The following TPST1 variants were observed in gnomAD, a reference collection of about 807,000 sequenced individuals.
The protein encoded by TPST1 is tyrosylprotein sulfotransferase 1.
Under a neutral mutation model 34.8 loss-of-function variants are expected in TPST1, and 20 were observed. The observed-to-expected ratio is 0.57, with a 90% confidence interval of 0.40 to 0.84. The LOEUF is 0.84. Among genes scored for constraint, TPST1 ranks in the 40% least tolerant of loss-of-function variants. The pLI is 0.00. For missense variants in TPST1, 353 were observed against 455.5 expected, an observed-to-expected ratio of 0.78 and a Z score of 2.05; for synonymous variants, 152 against 159.4, an observed-to-expected ratio of 0.95 and a Z score of 0.35.
intron 2 of TPST1, among the ~76,000 whole-genome samples, chr7:66,248,134 A>G (rs1470560737): frequency 6.6e-6 from 1 of 152,232 alleles, no homozygotes; most frequent in Admixed American, 6.5e-5. Context: ...ATTTCCAGGC[A>G]GGAAGTAGTG....
chr7:66,208,474 T>C (rs1454012427), intron 1 of TPST1, among the ~76,000 whole-genome samples: 1 of 151,712 alleles, frequency 6.6e-6, no homozygotes, highest in East Asian at 1.9e-4. Flanking sequence ...ATACCATTTT[T>C]AGTTTTTTTT....
At chr7:66,233,989 G>A (rs559702230) in intron 1 of TPST1, among the ~76,000 whole-genome samples, 1 of 152,298 alleles carries the variant, frequency 6.6e-6, no homozygotes, top group Admixed American at 6.5e-5. Context: ...AGCCTCCGGA[G>A]TAGCTGGGAT....
intron 2 of TPST1, among the ~76,000 whole-genome samples, chr7:66,277,156 C>G (rs117329910): frequency 6.6e-6 from 1 of 152,086 alleles, no homozygotes. Context: ...TTTCTAATTG[C>G]GATGTCCTGT....
chr7:66,224,725 A>G (rs1789612150), intron 1 of TPST1, among the ~76,000 whole-genome samples: 1 of 152,130 alleles, frequency 6.6e-6, no homozygotes, highest in African/African-American at 2.4e-5. Context: ...ATGTAAGTAT[A>G]GAAATGTAAT....
chr7:66,338,254 G>A lies in TPST1; in HGVS notation c.1045-14251G>A, dbSNP rs75391634. ...AAAAAAGACAAGGCCATTATATAAC[G>A]ACAAAGGGGTCAGTACAGCAAGAGG... is the stretch of plus-strand genomic sequence containing the variant. On this transcript the variant is annotated intron_variant, in intron 3 of 5. Coordinates refer to ENST00000304842, the MANE Select transcript of TPST1 (RefSeq NM_003596.4). 4.1e-3 allele frequency among the ~76,000 whole-genome samples: 618 copies of A among 152,032 alleles called. 5 individuals carry two copies. The highest frequency in any genetic ancestry group is 0.026 in the East Asian group (134 of 5,184).
intron 3 of TPST1, among the ~76,000 whole-genome samples, chr7:66,338,054 TA>T (rs1792157491): frequency 6.6e-6 from 1 of 152,100 alleles, no homozygotes; most frequent in Non-Finnish European, 1.5e-5. Context: ...CAGAATGGAT[TA>T]AAAAACAAGA....
chr7:66,241,397 C>A, intron 2 of TPST1, 127 bp downstream of exon 2: 1 of 1,148,324 alleles, frequency 8.7e-7, no homozygotes, highest in East Asian at 2.8e-5. Flanking sequence ...AACTGAAGAC[C>A]TTTTCTGGAA....
At chr7:66,244,174 C>T (rs897466694) in intron 2 of TPST1, among the ~76,000 whole-genome samples, 4 of 151,868 alleles carry the variant, frequency 2.6e-5, no homozygotes, top group South Asian at 2.1e-4. Context: ...AGGATGGTCT[C>T]GATCTCCTGA....
intron 1 of TPST1, among the ~76,000 whole-genome samples, chr7:66,207,223 T>G (rs569620483): frequency 5.9e-5 from 9 of 152,198 alleles, no homozygotes; most frequent in Non-Finnish European, 1.0e-4. Flanking sequence ...TCTTATGTCC[T>G]AAAATCTAAA....
chr7:66,240,194 T>C, intron 1 of TPST1, 131 bp from the exon 2 acceptor site: 1 of 540,566 alleles, frequency 1.8e-6, no homozygotes, highest in Admixed American at 3.5e-5. Flanking sequence ...GTCTCAATTT[T>C]GTTTTAAGAA....
chr7:66,202,050 T>TA (rs1789040061), upstream of TPST1, among the ~76,000 whole-genome samples: 1 of 152,154 alleles, frequency 6.6e-6, no homozygotes, highest in Non-Finnish European at 1.5e-5. Context: ...AAATAACAAG[T>TA]GTGTGTGTAT....
In TPST1 at chr7:66,352,419, C is replaced by A. The variant is rs527741668; in HGVS notation, c.1045-86C>A. ...ACTCACCAGCAGTGGAGCAGTAAAC[C>A]CGGCCACGGTCAGGCATGGCACATG... On this transcript the variant is annotated intron_variant, in intron 3 of 5. Transcript: ENST00000304842. 1.5e-5 allele frequency: 23 copies of A among 1,549,098 alleles called. No homozygotes were observed. In the African/African-American group the frequency reaches 2.0e-4, roughly 13 times the overall value.
chr7:66,226,263 A>T (rs1409167767), intron 1 of TPST1, among the ~76,000 whole-genome samples: 1 of 152,106 alleles, frequency 6.6e-6, no homozygotes, highest in African/African-American at 2.4e-5. Context: ...AGAGGATGGG[A>T]CATAGGCAAA....
At position 66,276,365 on chromosome 7, in the gene TPST1, C is replaced by CATAT. The variant is rs138862941; in HGVS notation, c.846-10133_846-10130dup. On this transcript the variant is annotated intron_variant, in intron 2 of 5. Coordinates refer to ENST00000304842, the MANE Select transcript of TPST1 (RefSeq NM_003596.4). ...TTCTTCTTAAATTTTAAAAACATTT[C>CATAT]ATATATATATATATATGTATTTTTT... is the stretch of plus-strand genomic sequence containing the variant. Among the ~76,000 whole-genome samples the CATAT allele has an allele frequency of 1.9e-3, 170 of 90,868 alleles. 25 individuals are homozygous for CATAT. Among genetic ancestry groups the CATAT allele is most frequent in the African/African-American group, 5.3e-3 (89 of 16,822 alleles). 59.6% of individuals were successfully genotyped at this position (90,868 alleles called of 152,430 possible). A position where few individuals can be genotyped will look rare whatever the true frequency, so the allele number is the denominator to read the frequency against.
At chr7:66,355,873 C>CCAA (rs1382834654) in intron 4 of TPST1, among the ~76,000 whole-genome samples, 1 of 144,386 alleles carries the variant, frequency 6.9e-6, no homozygotes, top group Non-Finnish European at 1.5e-5. Context: ...CCACTGCATT[C>CCAA]CAACCTGGGT....
intron 2 of TPST1, among the ~76,000 whole-genome samples, chr7:66,278,405 A>G (rs1332431448): frequency 6.6e-6 from 1 of 152,140 alleles, no homozygotes. Context: ...AGTTTGGACT[A>G]TGTTGAGCTT....
At chr7:66,274,366 GAAAA>G (rs767132312) in intron 2 of TPST1, among the ~76,000 whole-genome samples, 1 of 131,922 alleles carries the variant, frequency 7.6e-6, no homozygotes, top group African/African-American at 2.8e-5. Flanking sequence ...GACTCCGTCT[GAAAA>G]AAAAAAAAAG....
chr7:66,341,999 A>T (rs1322291615), intron 3 of TPST1, among the ~76,000 whole-genome samples: 1 of 152,192 alleles, frequency 6.6e-6, no homozygotes, highest in Non-Finnish European at 1.5e-5. Flanking sequence ...GAGAGAAAAG[A>T]TAAGAAACTT....
Position 66,270,401 on chromosome 7 carries a change from C to A in TPST1, c.846-16110C>A, listed in dbSNP as rs184425614. Among the ~76,000 whole-genome samples the A allele has an allele frequency of 2.1e-3, 322 of 152,316 alleles. 1 individual carries two copies. Among genetic ancestry groups the A allele is most frequent in the African/African-American group, 7.6e-3 (315 of 41,578 alleles). ...ATATCAGTCAGTCCAGAAGCTTTTT[C>A]ATGTACCCTATCCCAAACTAAGTCC... On this transcript the variant is annotated intron_variant, in intron 2 of 5. Transcript: ENST00000304842.
Sources: allele counts gnomAD v4.1 joint callset (sites outside exome capture counted in the v4.1 genomes callset), GRCh38; gene constraint gnomAD v4.1.1; transcripts MANE v1.5; gene names NCBI Gene and HGNC (gene_info 2026-07-23, HGNC 2026-07-21).